GOPC: variants seen among roughly 807,000 people sequenced by gnomAD.
The protein encoded by GOPC is Golgi-associated PDZ and coiled-coil motif-containing protein.
GOPC carries 32 observed loss-of-function variants against 51.2 expected under a neutral mutation model. The ratio of observed to expected loss-of-function variants is 0.63; its 90% CI spans 0.47 to 0.84. The LOEUF is 0.84. Among genes scored for constraint, GOPC ranks in the 40% least tolerant of loss-of-function variants. GOPC has a pLI of 0.00. For missense variants in GOPC, 441 were observed against 555.5 expected (o/e 0.79, Z 2.07); for synonymous variants, 190 against 205.1 (o/e 0.93, Z 0.63).
At position 117,569,538 on chromosome 6, in the gene GOPC, T is replaced by C. The variant is rs371707338; in HGVS notation, c.1077+34A>G. ...GTTCAATAGATTCATAACCAATTGA[T>C]AGATCCAGTTCTAATTACATGAAGG... On this transcript the variant is annotated intron_variant, in intron 7 of 8. Coordinates refer to ENST00000368498, the MANE Select transcript of GOPC (RefSeq NM_020399.4). The C allele has an allele frequency of 1.6e-5, 25 of 1,605,756 alleles. No individual in the cohort carries two copies. In the African/African-American group the frequency reaches 2.7e-4, roughly 17 times the overall value.
rs1771933830 is a variant in GOPC at position 117,598,832 on chromosome 6, C to T, written c.285+3172G>A. Among the ~76,000 whole-genome samples, 5 of 152,120 alleles carry T rather than the reference C, an allele frequency of 3.3e-5. 1 individual carries two copies. In the South Asian group the frequency reaches 1.0e-3, roughly 31 times the overall value. On this transcript the variant is annotated intron_variant, in intron 1 of 8. Transcript: ENST00000368498. ...AATAAGAGGAAAAAGTTCTAGTATT[C>T]TATAGCACCATAAGATGATTACAGT...
intron 6 of GOPC, 54 bp downstream of exon 6, chr6:117,570,798 ACAAAGGAG>A: frequency 1.4e-6 from 1 of 698,218 alleles, no homozygotes; most frequent in Non-Finnish European, 2.3e-6. Flanking sequence ...GTGATGTCCA[ACAAAGGAG>A]CATGATTATA....
intron 1 of GOPC, among the ~76,000 whole-genome samples, chr6:117,599,673 T>C (rs552995231): frequency 2.9e-4 from 44 of 152,332 alleles, no homozygotes; most frequent in Admixed American, 2.7e-3. Context: ...TATGCTCACA[T>C]TGTGATATGC....
intron 1 of GOPC, among the ~76,000 whole-genome samples, chr6:117,589,369 G>C (rs964107923): frequency 6.6e-6 from 1 of 152,190 alleles, no homozygotes; most frequent in Non-Finnish European, 1.5e-5. Context: ...GCCCAGGCTG[G>C]AGTGCAATGG....
At chr6:117,570,234 TAA>T (rs554562772) in intron 6 of GOPC, among the ~76,000 whole-genome samples, 3 of 137,138 alleles carry the variant, frequency 2.2e-5, no homozygotes, top group African/African-American at 5.4e-5. Flanking sequence ...AGGCAGCACA[TAA>T]AAAAAAAAAA....
chr6:117,572,842 A>C (rs188175698), intron 5 of GOPC, among the ~76,000 whole-genome samples: 6 of 152,342 alleles, frequency 3.9e-5, no homozygotes, highest in African/African-American at 1.4e-4. Flanking sequence ...TTACTATTTA[A>C]GGCCATACAT....
intron 7 of GOPC, among the ~76,000 whole-genome samples, chr6:117,569,115 A>G (rs1397706257): frequency 2.0e-5 from 3 of 152,184 alleles, no homozygotes; most frequent in Non-Finnish European, 4.4e-5. Flanking sequence ...TCATTTTAAG[A>G]GAGTTGGGCT....
intron 7 of GOPC, among the ~76,000 whole-genome samples, chr6:117,568,450 G>A (rs1401426945): frequency 6.6e-6 from 1 of 152,108 alleles, no homozygotes; most frequent in African/African-American, 2.4e-5. Context: ...TGCTTAGTTA[G>A]CATTTCCTTA....
Position 117,602,037 on chromosome 6 carries a change from G to C in GOPC, c.252C>G (p.Ala84=), listed in dbSNP as rs2114634650. Residue 84 remains alanine, a synonymous_variant, in exon 1 of 9, where the codon GCC becomes GCG. Transcript: ENST00000368498. Reference sequence around the variant, plus strand: ...TGTGGTTGATTTGAGACACAGACTGGGCTTTGTGGCAAAGCTGTGCAAAGC... The same window carrying C: ...TGTGGTTGATTTGAGACACAGACTGCGCTTTGTGGCAAAGCTGTGCAAAGC... The part of the protein sequence containing the change: ...SSCFAQLCHK[A]QSVSQINHKL... 3.1e-6 allele frequency: 5 copies of C among 1,614,140 alleles called. No homozygotes were observed. The highest frequency in any genetic ancestry group is 4.2e-6 in the Non-Finnish European group (5 of 1,180,026).
intron 1 of GOPC, among the ~76,000 whole-genome samples, chr6:117,593,453 A>C (rs1780148642): frequency 6.6e-6 from 1 of 152,206 alleles, no homozygotes; most frequent in South Asian, 2.1e-4. Context: ...AATGAAAACA[A>C]AACCTCCCTT....
chr6:117,591,758 A>G (rs1385157912), intron 1 of GOPC, among the ~76,000 whole-genome samples: 1 of 152,212 alleles, frequency 6.6e-6, no homozygotes, highest in Non-Finnish European at 1.5e-5. Context: ...GGAGAGACAG[A>G]CAGGCACACT....
At chr6:117,588,521 CCG>C (rs1258436659) in intron 1 of GOPC, among the ~76,000 whole-genome samples, 1 of 152,056 alleles carries the variant, frequency 6.6e-6, no homozygotes, top group Non-Finnish European at 1.5e-5. Flanking sequence ...AGTGATCTGC[CCG>C]CCTCAGCCTC....
rs138514668 is a variant in GOPC, at chr6:117,579,584, T to C, written c.286-520A>G. 9.0e-4 allele frequency among the ~76,000 whole-genome samples: 137 copies of C among 152,248 alleles called. 3 individuals are homozygous for C. The highest frequency in any genetic ancestry group is 3.4e-3 in the Middle Eastern group (1 of 294). ...TCAACTTCTGAGACTATGGTAAGCC[T>C]AAAGATCAGAGTTAACTGTAAGTCT... On this transcript the variant is annotated intron_variant, in intron 1 of 8. Coordinates refer to ENST00000368498, the MANE Select transcript of GOPC (RefSeq NM_020399.4).
intron 6 of GOPC, among the ~76,000 whole-genome samples, chr6:117,570,570 G>A (rs1277333621): frequency 4.0e-5 from 6 of 151,872 alleles, no homozygotes; most frequent in South Asian, 2.1e-4. Context: ...AAACAGCCAC[G>A]TCTATTCCCA....
At chr6:117,588,408 T>C (rs1252715076) in intron 1 of GOPC, among the ~76,000 whole-genome samples, 2 of 152,106 alleles carry the variant, frequency 1.3e-5, no homozygotes, top group East Asian at 3.9e-4. Context: ...CCTGAGTAGC[T>C]GGGATTACCA....
At chr6:117,575,462 A>G (rs1469029147) in intron 3 of GOPC, 110 bp from the exon 4 acceptor site, 13 of 842,564 alleles carry the variant, frequency 1.5e-5, no homozygotes, top group Non-Finnish European at 2.7e-5. Flanking sequence ...TATCATCTCT[A>G]TAAAATGGAA....
intron 5 of GOPC, among the ~76,000 whole-genome samples, chr6:117,571,305 T>C (rs1583053325): frequency 6.6e-6 from 1 of 152,166 alleles, no homozygotes; most frequent in South Asian, 2.1e-4. Context: ...ATCTTTAAGA[T>C]ATACATTCAT....
At chr6:117,573,038 AC>A (rs147286878) in intron 5 of GOPC, among the ~76,000 whole-genome samples, 1,897 of 152,340 alleles carry the variant, frequency 0.012, 22 homozygotes, top group Non-Finnish European at 0.017. Context: ...CCAAGACCAA[AC>A]AGGTGTAAAT....
chr6:117,592,518 G>A (rs1780133340), intron 1 of GOPC, among the ~76,000 whole-genome samples: 1 of 152,088 alleles, frequency 6.6e-6, no homozygotes, highest in Non-Finnish European at 1.5e-5. Context: ...GGTGCTGTTG[G>A]CAATCACTGG....
Sources: gnomAD v4.1 joint callset for allele counts (sites outside exome capture counted in the v4.1 genomes callset) on GRCh38, gnomAD v4.1.1 for gene constraint, MANE v1.5 for transcripts, NCBI Gene and HGNC (gene_info 2026-07-23, HGNC 2026-07-21) for gene names.